The following TRPM6 variants were observed in gnomAD, a reference collection of about 807,000 sequenced individuals.
The protein encoded by TRPM6 is channel kinase 2.
Under a neutral mutation model 247.6 loss-of-function variants are expected in TRPM6, and 111 were observed. That is an observed-to-expected ratio of 0.45 (90% CI 0.38 to 0.52). The LOEUF is 0.52. Ranked by LOEUF, TRPM6 falls within the 20% of genes least tolerant of loss-of-function variation. The pLI is 0.00. For missense variants in TRPM6, 2,126 were observed against 2,421.5 expected (o/e 0.88, Z 2.56); for synonymous variants, 892 against 853.8 (o/e 1.04, Z -0.78).
rs368159455 is a variant in TRPM6 at position 74,834,620 on chromosome 9, CCT to C, written c.545-500_545-499del. ...TTAGCCCTCCCCCAGCCCCCCACCC[CCT>C]GACAGGCCCTGGTGTGTGATGTTCC... is the stretch of plus-strand genomic sequence containing the variant. On this transcript the variant is annotated intron_variant, in intron 5 of 38. Transcript: ENST00000360774. Among the ~76,000 whole-genome samples the C allele has an allele frequency of 1.1e-3, 168 of 150,678 alleles. 3 individuals carry two copies. The East Asian group carries it at 0.032, about 29-fold the overall frequency.
At chr9:74,733,702 G>A (rs1825600089) in intron 36 of TRPM6, among the ~76,000 whole-genome samples, 2 of 152,138 alleles carry the variant, frequency 1.3e-5, no homozygotes. Context: ...TGGACTACAG[G>A]CATGTGCCAC....
intron 36 of TRPM6, among the ~76,000 whole-genome samples, chr9:74,736,089 G>A (rs1739896392): frequency 6.6e-6 from 1 of 152,190 alleles, no homozygotes; most frequent in African/African-American, 2.4e-5. Context: ...GAGTCACACA[G>A]AGATTAATGC....
chr9:74,817,021 T>G (rs1254684859), intron 9 of TRPM6, 57 bp from the exon 10 acceptor site: 1 of 1,409,666 alleles, frequency 7.1e-7, no homozygotes, highest in East Asian at 2.3e-5. Context: ...ATAAATGCTT[T>G]CAAAGAGTAC....
At chr9:74,879,056 C>T (rs1831278188) in intron 1 of TRPM6, among the ~76,000 whole-genome samples, 1 of 151,708 alleles carries the variant, frequency 6.6e-6, no homozygotes, top group Non-Finnish European at 1.5e-5. Flanking sequence ...TACAAGAGAA[C>T]TTGAAAATAC....
At chr9:74,812,070 T>A (rs1828748903) in intron 12 of TRPM6, among the ~76,000 whole-genome samples, 1 of 152,136 alleles carries the variant, frequency 6.6e-6, no homozygotes, top group Non-Finnish European at 1.5e-5. Context: ...TCAGGAAGGG[T>A]TGCACAATGA....
In TRPM6 at chr9:74,872,399, G is replaced by A. The variant is rs12352969; in HGVS notation, c.34-13651C>T. 7.3e-3 allele frequency among the ~76,000 whole-genome samples: 1,106 copies of A among 152,204 alleles called. 15 individuals carry two copies. Among genetic ancestry groups the A allele is most frequent in the African/African-American group, 0.025 (1,042 of 41,532 alleles). ...CAATCCTCCCACTGCAGCCTCCCAAGTAGCTGGGGTTGCAGGCATGAGCTG... is the reference window on the plus strand; with the variant it reads ...CAATCCTCCCACTGCAGCCTCCCAAATAGCTGGGGTTGCAGGCATGAGCTG... On this transcript the variant is annotated intron_variant, in intron 1 of 38. Transcript: ENST00000360774.
chr9:74,844,712 T>C (rs1468395664), intron 3 of TRPM6, among the ~76,000 whole-genome samples: 1 of 152,218 alleles, frequency 6.6e-6, no homozygotes, highest in Non-Finnish European at 1.5e-5. Context: ...GTGTGTTCAC[T>C]GGAGTAGCAC....
chr9:74,881,474 A>T (rs547908267), intron 1 of TRPM6, among the ~76,000 whole-genome samples: 1 of 152,336 alleles, frequency 6.6e-6, no homozygotes, highest in Non-Finnish European at 1.5e-5. Flanking sequence ...CAGAACAAAT[A>T]GACTCCAATA....
chr9:74,884,102 T>C (rs1261329173), intron 1 of TRPM6, among the ~76,000 whole-genome samples: 1 of 152,024 alleles, frequency 6.6e-6, no homozygotes, highest in East Asian at 1.9e-4. Flanking sequence ...TGAGCCAAGA[T>C]TGTGCCATTG....
chr9:74,804,237 A>G (rs1224141260), intron 14 of TRPM6, among the ~76,000 whole-genome samples: 1 of 152,198 alleles, frequency 6.6e-6, no homozygotes, highest in Non-Finnish European at 1.5e-5. Flanking sequence ...ATAGGCAATA[A>G]AGATTTACAG....
intron 27 of TRPM6, among the ~76,000 whole-genome samples, chr9:74,758,425 G>A (rs1826507987): frequency 6.6e-6 from 1 of 152,104 alleles, no homozygotes; most frequent in Admixed American, 6.5e-5. Context: ...AATACATCAT[G>A]ACCAAGTGGG....
At chr9:74,727,978 G>C (rs2274527) in intron 38 of TRPM6, among the ~76,000 whole-genome samples, 2 of 152,012 alleles carry the variant, frequency 1.3e-5, no homozygotes, top group East Asian at 1.9e-4. Flanking sequence ...CATTTAAGTC[G>C]GTGGAACTTT....
intron 19 of TRPM6, 89 bp downstream of exon 19, chr9:74,792,535 T>C: frequency 1.4e-6 from 2 of 1,415,762 alleles, no homozygotes; most frequent in Non-Finnish European, 1.0e-6. Flanking sequence ...ACATTTTTAA[T>C]GCAAAGTGGC....
intron 11 of TRPM6, among the ~76,000 whole-genome samples, chr9:74,815,028 G>A (rs1828876664): frequency 6.6e-6 from 1 of 152,046 alleles, no homozygotes; most frequent in South Asian, 2.1e-4. Context: ...AGGAAAGATA[G>A]GGAACATGGG....
chr9:74,760,292 G>A (rs1341903615), intron 27 of TRPM6, among the ~76,000 whole-genome samples: 1 of 151,974 alleles, frequency 6.6e-6, no homozygotes. Flanking sequence ...CTTTTATACT[G>A]TACTTTTACT....
chr9:74,870,304 T>G, intron 1 of TRPM6, among the ~76,000 whole-genome samples: 1 of 152,192 alleles, frequency 6.6e-6, no homozygotes, highest in East Asian at 1.9e-4. Flanking sequence ...ATTTCCCTAA[T>G]AAGCTAATAA....
chr9:74,755,558 G>A, intron 27 of TRPM6, 85 bp from the exon 28 acceptor site: 2 of 1,550,628 alleles, frequency 1.3e-6, no homozygotes, highest in Non-Finnish European at 1.8e-6. Flanking sequence ...CATGGTGAAG[G>A]GCAGTGTCTG....
At position 74,782,748 on chromosome 9, in the gene TRPM6, G is replaced by C. The variant is rs767815627; in HGVS notation, c.3025C>G (p.Leu1009Val). 6 of 1,614,142 alleles carry C rather than the reference G, an allele frequency of 3.7e-6. No individual in the cohort carries two copies. The highest frequency in any genetic ancestry group is 2.2e-5 in the East Asian group (1 of 44,880). ...GGCTCAAATACAATATCTCGAGCTA[G>C]ACTCCAAGATGGTGGCTCTTTTGGC... ...LSPKEPPSWS[L>V]ARDIVFEPYW... The change falls in exon 22 of 39, where the codon CTA becomes GTA. Residue 1009 changes from leucine (L) to valine (V), a missense_variant. Leu to Val is a conservative substitution (Grantham distance 32, BLOSUM62 1). This residue lies in a region of TRPM6 where 1,082 missense variants were observed against 1,307.9 expected (regional missense o/e 0.83). Coordinates refer to ENST00000360774, the MANE Select transcript of TRPM6 (RefSeq NM_017662.5).
intron 6 of TRPM6, among the ~76,000 whole-genome samples, chr9:74,833,639 G>A (rs534972506): frequency 6.6e-6 from 1 of 152,320 alleles, no homozygotes; most frequent in Admixed American, 6.5e-5. Flanking sequence ...AGTAAAGATG[G>A]CTATTGCAAT....
Sources: allele counts gnomAD v4.1 joint callset (sites outside exome capture counted in the v4.1 genomes callset), GRCh38; gene constraint gnomAD v4.1.1; regional missense constraint gnomAD v4.1.1; transcripts MANE v1.5; gene names NCBI Gene and HGNC (gene_info 2026-07-23, HGNC 2026-07-21).